EML4: variants seen among roughly 807,000 people sequenced by gnomAD.
EML4 encodes echinoderm microtubule-associated protein-like 4.
Under a neutral mutation model 129.0 loss-of-function variants are expected in EML4, and 72 were observed. That is an observed-to-expected ratio of 0.56 (90% CI 0.46 to 0.68). EML4 has a LOEUF of 0.68. Ranked by LOEUF, EML4 falls within the 30% of genes least tolerant of loss-of-function variation. The probability of loss-of-function intolerance (pLI) is 0.00; values close to 1 mark genes in which losing one functional copy is unlikely to be tolerated. For missense variants in EML4, 1,363 were observed against 1,190.6 expected, an observed-to-expected ratio of 1.14 and a Z score of -2.13; for synonymous variants, 532 against 405.0, an observed-to-expected ratio of 1.31 and a Z score of -3.77.
chr2:42,205,755 A>G (rs1355514598), intron 1 of EML4, among the ~76,000 whole-genome samples: 1 of 152,226 alleles, frequency 6.6e-6, no homozygotes, highest in Non-Finnish European at 1.5e-5. Context: ...AGCTTATGGT[A>G]TGAAATCCTA....
intron 1 of EML4, among the ~76,000 whole-genome samples, chr2:42,198,860 G>T (rs1672049436): frequency 6.6e-6 from 1 of 152,210 alleles, no homozygotes; most frequent in Non-Finnish European, 1.5e-5. Context: ...TCTCTCTGCA[G>T]TACCCAGCAG....
chr2:42,241,887 C>G, intron 1 of EML4, among the ~76,000 whole-genome samples: 1 of 149,696 alleles, frequency 6.7e-6, no homozygotes, highest in African/African-American at 2.5e-5. Context: ...GGGGGGGAAG[C>G]TGAGGTAATA....
chr2:42,326,031 T>C lies in EML4; in HGVS notation c.2243-123T>C, dbSNP rs185919616. ...CTTTCTTTTCCTTTTTAAATGTGTC[T>C]TAATGTTTTTCAGTGTATGGATTAT... On this transcript the variant is annotated intron_variant, in intron 20 of 22. Transcript: ENST00000318522. 3.8e-5 allele frequency: 50 copies of C among 1,300,738 alleles called. No homozygotes were observed. In the African/African-American group the frequency reaches 6.5e-4, roughly 17 times the overall value. 80.6% of individuals were successfully genotyped at this position (1,300,738 alleles called of 1,614,324 possible).
At chr2:42,254,041 T>C (rs1477919703) in intron 2 of EML4, among the ~76,000 whole-genome samples, 1 of 152,224 alleles carries the variant, frequency 6.6e-6, no homozygotes, top group East Asian at 1.9e-4. Flanking sequence ...ATGTAGAATA[T>C]TTGAAGAACT....
chr2:42,315,975 G>C lies in EML4; in HGVS notation c.1981G>C (p.Asp661His). The change falls in exon 18 of 23, where the codon GAT becomes CAT. Residue 661 changes from aspartate (D) to histidine (H), a missense_variant. Coordinates refer to ENST00000318522, the MANE Select transcript of EML4 (RefSeq NM_019063.5). The part of the protein sequence containing the change: ...GTHSGRWFVL[D>H]AETRDLVSIH... ...ACTTCTTAACAGGTGGTTTGTTCTGGATGCAGAAACCAGAGATCTAGTTTC... is the reference window on the plus strand; with the variant it reads ...ACTTCTTAACAGGTGGTTTGTTCTGCATGCAGAAACCAGAGATCTAGTTTC... 1 of 1,612,918 alleles carries C rather than the reference G, an allele frequency of 6.2e-7. No homozygotes were observed. The highest frequency in any genetic ancestry group is 1.1e-5 in the South Asian group (1 of 90,966).
At chr2:42,320,439 A>G (rs1669460883) in intron 19 of EML4, among the ~76,000 whole-genome samples, 1 of 152,122 alleles carries the variant, frequency 6.6e-6, no homozygotes, top group Admixed American at 6.5e-5. Context: ...TACTTAACCT[A>G]TCTATGCATC....
In EML4 at chr2:42,330,241, C is replaced by A; in HGVS notation, c.*34C>A. On this transcript the variant is annotated 3_prime_UTR_variant, in exon 23 of 23. Coordinates refer to ENST00000318522, the MANE Select transcript of EML4 (RefSeq NM_019063.5). Reference sequence around the variant, plus strand: ...CTTCAGTGCAACTCTTTTCCTTCAGCTGCATGTGATTTTGTGATAAAGTTC... The same window carrying A: ...CTTCAGTGCAACTCTTTTCCTTCAGATGCATGTGATTTTGTGATAAAGTTC... 6.3e-7 allele frequency: 1 copy of A among 1,576,112 alleles called. No homozygotes were observed. Among genetic ancestry groups the A allele is most frequent in the Non-Finnish European group, 8.7e-7 (1 of 1,147,316 alleles).
intron 19 of EML4, among the ~76,000 whole-genome samples, chr2:42,320,152 G>A (rs907238924): frequency 6.6e-6 from 1 of 152,098 alleles, no homozygotes; most frequent in Admixed American, 6.5e-5. Flanking sequence ...GTCCCTTAAT[G>A]AATGATGACA....
chr2:42,332,172 C>G lies in EML4; in HGVS notation c.*1965C>G, dbSNP rs1013473392. 9.1e-6 allele frequency: 2 copies of G among 219,934 alleles called. No individual in the cohort carries two copies. Among genetic ancestry groups the G allele is most frequent in the African/African-American group, 4.5e-5 (2 of 44,494 alleles). The allele number at this position is 219,934 out of a possible 1,614,324, so 13.6% of individuals were successfully genotyped here. A position where few individuals can be genotyped will look rare whatever the true frequency, so the allele number is the denominator to read the frequency against. On this transcript the variant is annotated 3_prime_UTR_variant, in exon 23 of 23. Transcript: ENST00000318522. ...GAAGAAAGAGCATTTCTTTAAGTAC[C>G]TGGGGAATACAGCTCTCAGTGATCA...
intron 1 of EML4, among the ~76,000 whole-genome samples, chr2:42,173,184 C>T (rs1320293133): frequency 6.6e-6 from 1 of 152,194 alleles, no homozygotes; most frequent in East Asian, 1.9e-4. Flanking sequence ...ACTGTGATTT[C>T]TCATCACAGA....
chr2:42,281,086 C>A, intron 7 of EML4, 113 bp downstream of exon 7: 2 of 904,044 alleles, frequency 2.2e-6, no homozygotes, highest in Non-Finnish European at 3.2e-6. Flanking sequence ...GTAACAGCTA[C>A]TTAAAAAATT....
In EML4 at chr2:42,284,682, T is replaced by C; in HGVS notation, c.990T>C (p.Ala330=). The part of the protein sequence containing the change: ...DKIRIATGQI[A]GVDKDGRPLQ... ...TTAGGATTGCAACTGGACAGATAGC[T>C]GGCGTGGATAAAGATGGAAGGGTGA... The change falls in exon 9 of 23, where the codon GCT becomes GCC. Residue 330 remains alanine, a synonymous_variant. Transcript: ENST00000318522. 6.2e-7 allele frequency: 1 copy of C among 1,612,892 alleles called. No homozygotes were observed. The highest frequency in any genetic ancestry group is 1.1e-5 in the South Asian group (1 of 90,854).
chr2:42,263,423 T>G (rs922147654), intron 5 of EML4, 117 bp downstream of exon 5: 6 of 732,092 alleles, frequency 8.2e-6, no homozygotes, highest in African/African-American at 5.2e-5. Context: ...TTTTTTTTTT[T>G]GTGACAGAGT....
chr2:42,280,964 T>A lies in EML4; in HGVS notation c.782T>A (p.Leu261Gln). ...RTELPPEKLK[L>Q]EWAYGYRGKD... ...GAACTGCCTCCTGAGAAGCTCAAAC[T>A]GGAGTGGGCGTATCCTTCTCTACCA... The change falls in exon 7 of 23, where the codon CTG becomes CAG. Residue 261 changes from leucine to glutamine, a missense_variant. Coordinates refer to ENST00000318522, the MANE Select transcript of EML4 (RefSeq NM_019063.5). 1 of 1,603,868 alleles carries A rather than the reference T, an allele frequency of 6.2e-7. No homozygotes were observed. Among genetic ancestry groups the A allele is most frequent in the Non-Finnish European group, 8.5e-7 (1 of 1,176,454 alleles).
At chr2:42,243,079 A>C (rs1675146487) in intron 1 of EML4, among the ~76,000 whole-genome samples, 1 of 152,142 alleles carries the variant, frequency 6.6e-6, no homozygotes, top group African/African-American at 2.4e-5. Flanking sequence ...TGTCCAGCTG[A>C]AATTTCTAGT....
chr2:42,225,131 C>T (rs1227847338), intron 1 of EML4, among the ~76,000 whole-genome samples: 2 of 152,076 alleles, frequency 1.3e-5, no homozygotes, highest in Non-Finnish European at 1.5e-5. Context: ...TATGTATATG[C>T]CACATTTTGT....
intron 6 of EML4, among the ~76,000 whole-genome samples, chr2:42,274,517 A>C (rs1666548090): frequency 6.6e-6 from 1 of 152,204 alleles, no homozygotes; most frequent in South Asian, 2.1e-4. Context: ...TGATCTTGGA[A>C]TGGAGTATGC....
At chr2:42,203,640 CTTT>C (rs3038374) in intron 1 of EML4, among the ~76,000 whole-genome samples, 1 of 141,386 alleles carries the variant, frequency 7.1e-6, no homozygotes. Flanking sequence ...ATAGCCACCC[CTTT>C]TTTTTTTTTG....
chr2:42,265,389 G>C (rs188933914), intron 6 of EML4, among the ~76,000 whole-genome samples: 1 of 152,226 alleles, frequency 6.6e-6, no homozygotes, highest in South Asian at 2.1e-4. Flanking sequence ...ACACGCATGA[G>C]CCATGGCACC....
Sources: allele counts gnomAD v4.1 joint callset (sites outside exome capture counted in the v4.1 genomes callset), GRCh38; gene constraint gnomAD v4.1.1; transcripts MANE v1.5; gene names NCBI Gene and HGNC (gene_info 2026-07-23, HGNC 2026-07-21).